The following PRELID2 variants were observed in gnomAD, a reference collection of about 807,000 sequenced individuals.
The protein encoded by PRELID2 is PRELI domain containing 2, also known as PRELI domain-containing protein 2.
A neutral mutation model predicts 28.4 loss-of-function variants in PRELID2; 25 were observed. That is an observed-to-expected ratio of 0.88 (90% CI 0.64 to 1.23). PRELID2 has a LOEUF of 1.23. Ranked by LOEUF, PRELID2 falls within the 50% of genes most tolerant of loss-of-function variation. PRELID2 has a pLI of 0.00. For synonymous variants in PRELID2, 76 were observed against 71.6 expected, an observed-to-expected ratio of 1.06 and a Z score of -0.31; for missense variants, 201 against 214.4, an observed-to-expected ratio of 0.94 and a Z score of 0.39.
intron 1 of PRELID2, among the ~76,000 whole-genome samples, chr5:145,834,250 A>G (rs1755788900): frequency 6.6e-6 from 1 of 152,170 alleles, no homozygotes; most frequent in East Asian, 1.9e-4. Context: ...TGCAAAATCA[A>G]TCAAGCCCAG....
At chr5:145,551,233 T>C (rs900436755) in intron 1 of PRELID2, among the ~76,000 whole-genome samples, 5 of 151,858 alleles carry the variant, frequency 3.3e-5, no homozygotes, top group African/African-American at 1.2e-4. Flanking sequence ...AAACCTTGTC[T>C]CTACTAAAAA....
At chr5:145,428,011 T>A in the PRELID2 span, among the ~76,000 whole-genome samples, 1 of 152,136 alleles carries the variant, frequency 6.6e-6, no homozygotes, top group African/African-American at 2.4e-5. Context: ...CAGGCTGGAG[T>A]GCAATGGTGC....
In PRELID2 at chr5:145,760,447, T is replaced by A. The variant is rs1024885234; in HGVS notation, c.*89A>T. The stretch of plus-strand genomic sequence containing the variant: ...TCAAACCTGTATTCCAGAAACTGTG[T>A]CTGTGATGTGCTGTGGCCAAGAAGT... On this transcript the variant is annotated 3_prime_UTR_variant, in exon 7 of 7. Transcript: ENST00000683046. The A allele has an allele frequency of 1.3e-5, 2 of 151,840 alleles. No individual in the cohort carries two copies. The highest frequency in any genetic ancestry group is 4.8e-5 in the African/African-American group (2 of 41,316). 9.4% of individuals were successfully genotyped at this position (151,840 alleles called of 1,614,324 possible).
At chr5:145,727,501 C>T (rs968003261) in intron 1 of PRELID2, among the ~76,000 whole-genome samples, 4 of 152,156 alleles carry the variant, frequency 2.6e-5, no homozygotes, top group Non-Finnish European at 5.9e-5. Context: ...TCAACATGCC[C>T]CCCTTTTCTT....
At chr5:145,298,556 T>A in the PRELID2 span, among the ~76,000 whole-genome samples, 1 of 152,118 alleles carries the variant, frequency 6.6e-6, no homozygotes, top group African/African-American at 2.4e-5. Context: ...TTTGTTCTCA[T>A]AGGTGGGATT....
intron 4 of PRELID2, among the ~76,000 whole-genome samples, chr5:145,799,882 A>G (rs1237132079): frequency 1.3e-5 from 2 of 152,168 alleles, no homozygotes; most frequent in East Asian, 1.9e-4. Context: ...GCCATTCCTT[A>G]ATGCTTTTAG....
chr5:145,622,571 A>T (rs55695946), intron 1 of PRELID2, among the ~76,000 whole-genome samples: 8,780 of 152,242 alleles, frequency 0.058, 799 homozygotes, highest in African/African-American at 0.2. Context: ...ATTCGTTAAT[A>T]AAAGAATTAA....
chr5:145,256,179 T>A, the PRELID2 span, among the ~76,000 whole-genome samples: 1 of 151,930 alleles, frequency 6.6e-6, no homozygotes, highest in African/African-American at 2.4e-5. Flanking sequence ...TTCTAGATAA[T>A]GTTCCCATTC....
At chr5:145,744,636 A>C (rs1756938516) in intron 1 of PRELID2, among the ~76,000 whole-genome samples, 1 of 152,192 alleles carries the variant, frequency 6.6e-6, no homozygotes, top group African/African-American at 2.4e-5. Flanking sequence ...CATTTAAAGA[A>C]AAACAAACAG....
At chr5:145,834,004 G>A (rs1281490122) in intron 1 of PRELID2, among the ~76,000 whole-genome samples, 1 of 152,150 alleles carries the variant, frequency 6.6e-6, no homozygotes, top group Non-Finnish European at 1.5e-5. Context: ...TCCCAGGCCT[G>A]GGCGCTTTCG....
chr5:145,609,608 T>G (rs1450400802), intron 1 of PRELID2, among the ~76,000 whole-genome samples: 1 of 152,162 alleles, frequency 6.6e-6, no homozygotes, highest in Non-Finnish European at 1.5e-5. Context: ...GACTGCTGGG[T>G]TGAAAGCTCT....
chr5:145,310,408 CT>C, the PRELID2 span, among the ~76,000 whole-genome samples: 1 of 152,092 alleles, frequency 6.6e-6, no homozygotes, highest in Admixed American at 6.5e-5. Context: ...AAAATGCCAC[CT>C]TTGGAGACCT....
chr5:145,502,916 A>G (rs566949995), intron 1 of PRELID2, among the ~76,000 whole-genome samples: 2 of 152,226 alleles, frequency 1.3e-5, no homozygotes, highest in East Asian at 3.9e-4. Flanking sequence ...GCTATCTGAA[A>G]GATAGGCTGA....
intron 1 of PRELID2, among the ~76,000 whole-genome samples, chr5:145,582,793 A>G (rs890208540): frequency 1.6e-4 from 24 of 152,038 alleles, no homozygotes; most frequent in Admixed American, 1.2e-3. Context: ...CTGAAATTAA[A>G]GCAGTAATAA....
chr5:145,516,891 G>A (rs367680676), intron 1 of PRELID2, among the ~76,000 whole-genome samples: 1 of 152,160 alleles, frequency 6.6e-6, no homozygotes, highest in South Asian at 2.1e-4. Flanking sequence ...ACTGGGAAAG[G>A]ATTCCCTATT....
At chr5:145,777,930 C>T (rs1014155473) in intron 5 of PRELID2, among the ~76,000 whole-genome samples, 2 of 152,152 alleles carry the variant, frequency 1.3e-5, no homozygotes, top group Admixed American at 6.5e-5. Context: ...ACATCAGGGC[C>T]GAATCTGGAC....
At chr5:145,359,800 C>A in the PRELID2 span, among the ~76,000 whole-genome samples, 1 of 152,176 alleles carries the variant, frequency 6.6e-6, no homozygotes, top group African/African-American at 2.4e-5. Context: ...TGGCTCAGAG[C>A]TGAGTCCCAA....
chr5:145,433,753 C>G, the PRELID2 span, among the ~76,000 whole-genome samples: 5,520 of 152,160 alleles, frequency 0.036, 228 homozygotes, highest in East Asian at 0.23. Flanking sequence ...CTTTGCCAAG[C>G]TTTTGGACTC....
At chr5:145,574,804 A>G (rs1301973379) in intron 1 of PRELID2, among the ~76,000 whole-genome samples, 1 of 152,192 alleles carries the variant, frequency 6.6e-6, no homozygotes, top group African/African-American at 2.4e-5. Flanking sequence ...TATACTATAA[A>G]TCATCTCTAG....
Sources: allele counts gnomAD v4.1 joint callset (sites outside exome capture counted in the v4.1 genomes callset), GRCh38; gene constraint gnomAD v4.1.1; transcripts MANE v1.5; gene names NCBI Gene and HGNC (gene_info 2026-07-23, HGNC 2026-07-21).